Variants in ADH7 observed in about 807,000 individuals in gnomAD.
The protein encoded by ADH7 is alcohol dehydrogenase 7 (class IV), mu or sigma polypeptide, also known as all-trans-retinol dehydrogenase [NAD(+)] ADH7.
ADH7 carries 41 observed loss-of-function variants against 34.4 expected under a neutral mutation model. The observed-to-expected ratio is 1.19, with a 90% CI of 0.93 to 1.55. The LOEUF is 1.55. Ranked by LOEUF, ADH7 falls within the 40% of genes most tolerant of loss-of-function variation. The pLI is 0.00. For missense variants in ADH7, 540 were observed against 461.2 expected (o/e 1.17, Z -1.56); for synonymous variants, 180 against 160.9 (o/e 1.12, Z -0.90).
chr4:99,412,740 A>ATAATAGTT lies in ADH7; in HGVS notation c.*400_*407dup, dbSNP rs1560558517. ...ATACATTTATATTCAAATCTAAAAA[A>ATAATAGTT]TAATAGTTTCAATGTGTTAAGTGAA... is the stretch of plus-strand genomic sequence containing the variant. On this transcript the variant is annotated 3_prime_UTR_variant, in exon 9 of 9. Coordinates refer to ENST00000437033, the MANE Select transcript of ADH7 (RefSeq NM_000673.7). 6.4e-6 allele frequency: 1 copy of ATAATAGTT among 156,272 alleles called. No homozygotes were observed. Among genetic ancestry groups the ATAATAGTT allele is most frequent in the Non-Finnish European group, 1.4e-5 (1 of 70,782 alleles). The allele number at this position is 156,272 out of a possible 1,614,324, so 9.7% of individuals were successfully genotyped here. A position where few individuals can be genotyped will look rare whatever the true frequency, so the allele number is the denominator to read the frequency against.
chr4:99,417,390 T>C (rs1446214316), intron 7 of ADH7, among the ~76,000 whole-genome samples: 2 of 152,192 alleles, frequency 1.3e-5, no homozygotes, highest in African/African-American at 4.8e-5. Flanking sequence ...TTGTATTTAC[T>C]ACGTCTCCTT....
At position 99,420,714 on chromosome 4, in the gene ADH7, C is replaced by G; in HGVS notation, c.644G>C (p.Gly215Ala). The part of the protein sequence containing the change: ...LSVIMGCKSA[G>A]ASRIIGIDLN... ...GTCAATCCCAATGATCCTAGATGCACCAGCTGACTTACAGCCCATGATGAC... is the reference window on the plus strand; with the variant it reads ...GTCAATCCCAATGATCCTAGATGCAGCAGCTGACTTACAGCCCATGATGAC... The change falls in exon 6 of 9, where the codon GGT (glycine) becomes GCT (alanine). Residue 215 changes from glycine (G) to alanine (A), a missense_variant. Transcript: ENST00000437033. 6.2e-7 allele frequency: 1 copy of G among 1,613,928 alleles called. No individual in the cohort carries two copies. Among genetic ancestry groups the G allele is most frequent in the Non-Finnish European group, 8.5e-7 (1 of 1,179,918 alleles).
intron 6 of ADH7, 138 bp downstream of exon 6, chr4:99,420,395 A>C (rs2110134741): frequency 9.9e-7 from 1 of 1,013,900 alleles, no homozygotes; most frequent in East Asian, 2.6e-5. Flanking sequence ...TGTGATTATC[A>C]GTTTTTGCCT....
chr4:99,419,124 G>T lies in ADH7; in HGVS notation c.826-3C>A. On this transcript the variant is annotated splice_polypyrimidine_tract_variant and splice_region_variant and intron_variant, in intron 6 of 8. Coordinates refer to ENST00000437033, the MANE Select transcript of ADH7 (RefSeq NM_000673.7). ...TGGCAGGATGCCAGGGCATCAATCT[G>T]AGTTTAAAACGGAGGAGATCGTTTG... is the stretch of plus-strand genomic sequence containing the variant. 6.2e-7 allele frequency: 1 copy of T among 1,613,142 alleles called. No homozygotes were observed. The highest frequency in any genetic ancestry group is 1.7e-4 in the Middle Eastern group (1 of 6,054).
At chr4:99,428,674 C>A in intron 2 of ADH7, 44 bp from the exon 3 acceptor site, 1 of 1,587,266 alleles carries the variant, frequency 6.3e-7, no homozygotes, top group South Asian at 1.2e-5. Context: ...ACAAACTGAT[C>A]ATTTCACTGT....
intron 1 of ADH7, 56 bp downstream of exon 1, chr4:99,435,160 T>G: frequency 6.3e-7 from 1 of 1,596,124 alleles, no homozygotes; most frequent in Non-Finnish European, 8.5e-7. Flanking sequence ...AAGTTCTAAG[T>G]ATCAGCCTCA....
At chr4:99,420,895 T>C (rs751554759) in intron 5 of ADH7, 102 bp from the exon 6 acceptor site, 19 of 1,027,398 alleles carry the variant, frequency 1.8e-5, no homozygotes, top group Non-Finnish European at 2.7e-5. Flanking sequence ...TGAACTCCCA[T>C]TCACAATTGC....
In ADH7 at chr4:99,429,648, A is replaced by T; in HGVS notation, c.19-15T>A. The T allele has an allele frequency of 6.3e-7, 1 of 1,586,160 alleles. No homozygotes were observed. ...CATTTAATAACCTAAGAAATAGGCA[A>T]GTATTATAATGGGTCTGAATTATGC... On this transcript the variant is annotated splice_polypyrimidine_tract_variant and intron_variant, in intron 1 of 8. Coordinates refer to ENST00000437033, the MANE Select transcript of ADH7 (RefSeq NM_000673.7).
intron 1 of ADH7, chr4:99,432,826 T>C (rs1721966597): frequency 6.6e-6 from 1 of 152,114 alleles, no homozygotes; most frequent in Admixed American, 6.6e-5. Context: ...TCTGTGCCTA[T>C]CAAGTCTGTA....
At chr4:99,422,128 T>C (rs1019162987) in intron 5 of ADH7, among the ~76,000 whole-genome samples, 1 of 152,192 alleles carries the variant, frequency 6.6e-6, no homozygotes, top group Admixed American at 6.5e-5. Context: ...AGAAATATCA[T>C]TTGACCCAGC....
At chr4:99,421,787 AC>A (rs1413970259) in intron 5 of ADH7, among the ~76,000 whole-genome samples, 2 of 152,232 alleles carry the variant, frequency 1.3e-5, no homozygotes, top group Admixed American at 6.5e-5. Flanking sequence ...TTTACAAGGA[AC>A]TTAAACAAAT....
intron 5 of ADH7, among the ~76,000 whole-genome samples, chr4:99,424,146 C>G (rs565288024): frequency 5.2e-4 from 79 of 152,290 alleles, no homozygotes; most frequent in African/African-American, 1.8e-3. Flanking sequence ...ATCCCTTCCC[C>G]ATTTCTTGTT....
chr4:99,428,640 A>T lies in ADH7; in HGVS notation c.121-10T>A. 1 of 1,610,120 alleles carries T rather than the reference A, an allele frequency of 6.2e-7. No homozygotes were observed. The highest frequency in any genetic ancestry group is 8.5e-7 in the Non-Finnish European group (1 of 1,178,676). On this transcript the variant is annotated splice_polypyrimidine_tract_variant and intron_variant, in intron 2 of 8. Transcript: ENST00000437033. The stretch of plus-strand genomic sequence containing the variant: ...TTCCTGTGGCCAAAATCTGTGTTCA[A>T]AGACAAAAACATTGCACCAATCAAC...
At chr4:99,428,360 C>A in intron 3 of ADH7, 132 bp downstream of exon 3, 1 of 1,317,376 alleles carries the variant, frequency 7.6e-7, no homozygotes, top group Non-Finnish European at 1.0e-6. Context: ...CAGTAAAATC[C>A]ATTCTTGTAT....
At chr4:99,428,686 G>A in intron 2 of ADH7, 56 bp from the exon 3 acceptor site, 2 of 1,553,834 alleles carry the variant, frequency 1.3e-6, no homozygotes, top group South Asian at 2.5e-5. Flanking sequence ...TTTCACTGTT[G>A]GGAGAATATT....
At chr4:99,434,988 A>C in intron 1 of ADH7, 1 of 1,434,868 alleles carries the variant, frequency 7.0e-7, no homozygotes, top group Non-Finnish European at 9.5e-7. Flanking sequence ...ATTTTCCACC[A>C]ATGTCTTGCT....
At chr4:99,416,290 C>T (rs1721514440) in intron 7 of ADH7, among the ~76,000 whole-genome samples, 1 of 152,088 alleles carries the variant, frequency 6.6e-6, no homozygotes, top group Non-Finnish European at 1.5e-5. Context: ...GTTTCTGGAT[C>T]CTGTTCCTTT....
Position 99,412,734 on chromosome 4 carries a change from T to TA in ADH7, c.*413dup. ...TAAAAAATACATTTATATTCAAATC[T>TA]AAAAAATAATAGTTTCAATGTGTTA... On this transcript the variant is annotated 3_prime_UTR_variant, in exon 9 of 9. Transcript: ENST00000437033. 6.4e-6 allele frequency: 1 copy of TA among 155,152 alleles called. No homozygotes were observed. 9.6% of individuals were successfully genotyped at this position (155,152 alleles called of 1,614,324 possible). A position where few individuals can be genotyped will look rare whatever the true frequency, so the allele number is the denominator to read the frequency against.
At chr4:99,417,169 T>C (rs1402317049) in intron 7 of ADH7, among the ~76,000 whole-genome samples, 1 of 152,030 alleles carries the variant, frequency 6.6e-6, no homozygotes. Flanking sequence ...AAGGAGAGTG[T>C]TAAAATGGAA....
Sources: allele counts gnomAD v4.1 joint callset (sites outside exome capture counted in the v4.1 genomes callset), GRCh38; gene constraint gnomAD v4.1.1; transcripts MANE v1.5; gene names NCBI Gene and HGNC (gene_info 2026-07-23, HGNC 2026-07-21).